The following CNTNAP5 variants were observed in gnomAD, a reference collection of about 807,000 sequenced individuals.
CNTNAP5 encodes the protein contactin associated protein family member 5, also known as contactin-associated protein-like 5.
A neutral mutation model predicts 150.2 loss-of-function variants in CNTNAP5; 72 were observed. That is an observed-to-expected ratio of 0.48 (90% CI 0.40 to 0.58). The LOEUF (loss-of-function observed/expected upper bound fraction) is 0.58. CNTNAP5 is among the 20% of genes least tolerant of loss of function. The pLI is 0.00. For synonymous variants in CNTNAP5, 672 were observed against 619.8 expected (o/e 1.08, Z -1.25); for missense variants, 1,636 against 1,626.2 (o/e 1.01, Z -0.10).
intron 19 of CNTNAP5, among the ~76,000 whole-genome samples, chr2:124,826,063 C>T (rs933462457): frequency 3.3e-5 from 5 of 151,718 alleles, no homozygotes; most frequent in African/African-American, 1.2e-4. Flanking sequence ...AACATAATTG[C>T]ATAATGAAAT....
intron 3 of CNTNAP5, among the ~76,000 whole-genome samples, chr2:124,340,298 A>G (rs948300239): frequency 3.9e-5 from 6 of 152,316 alleles, no homozygotes; most frequent in Non-Finnish European, 8.8e-5. Flanking sequence ...TCTTACTGTT[A>G]TAATTTTGTG....
chr2:124,113,263 T>C (rs1683341253), intron 1 of CNTNAP5, among the ~76,000 whole-genome samples: 2 of 152,114 alleles, frequency 1.3e-5, no homozygotes, highest in African/African-American at 2.4e-5. Context: ...TATTTCATAA[T>C]CTTACAATTA....
intron 19 of CNTNAP5, among the ~76,000 whole-genome samples, chr2:124,853,714 C>T (rs1398846829): frequency 6.6e-6 from 1 of 152,094 alleles, no homozygotes; most frequent in East Asian, 1.9e-4. Flanking sequence ...CACAGTTCAA[C>T]TCATGTCACA....
At chr2:124,827,390 G>C (rs1682618883) in intron 19 of CNTNAP5, among the ~76,000 whole-genome samples, 1 of 152,140 alleles carries the variant, frequency 6.6e-6, no homozygotes, top group Non-Finnish European at 1.5e-5. Flanking sequence ...CCTTGTACTG[G>C]TCCTCTCTGA....
intron 1 of CNTNAP5, among the ~76,000 whole-genome samples, chr2:124,133,060 A>T (rs1247745870): frequency 1.3e-5 from 2 of 152,224 alleles, no homozygotes; most frequent in Admixed American, 6.5e-5. Context: ...TGCCTGGTTT[A>T]CAAAGATGGC....
intron 1 of CNTNAP5, among the ~76,000 whole-genome samples, chr2:124,110,835 G>C (rs1683277596): frequency 6.6e-6 from 1 of 152,068 alleles, no homozygotes. Context: ...CCATTCAAAG[G>C]ACTTTCACAT....
At chr2:124,864,150 G>C (rs1164691465) in intron 19 of CNTNAP5, among the ~76,000 whole-genome samples, 1 of 152,094 alleles carries the variant, frequency 6.6e-6, no homozygotes, top group Non-Finnish European at 1.5e-5. Flanking sequence ...CTGAGATAAA[G>C]TAGCATCTCA....
intron 19 of CNTNAP5, among the ~76,000 whole-genome samples, chr2:124,859,782 C>T (rs1677470856): frequency 6.6e-6 from 1 of 152,002 alleles, no homozygotes; most frequent in African/African-American, 2.4e-5. Flanking sequence ...AGCTGGAAAC[C>T]ATCATTCTCA....
intron 10 of CNTNAP5, among the ~76,000 whole-genome samples, chr2:124,557,679 A>T (rs746615507): frequency 1.3e-5 from 2 of 152,152 alleles, no homozygotes; most frequent in Non-Finnish European, 2.9e-5. Context: ...AGAAGATAAT[A>T]CACACTAAAG....
intron 11 of CNTNAP5, among the ~76,000 whole-genome samples, chr2:124,577,248 C>T (rs1481620098): frequency 6.6e-6 from 1 of 152,160 alleles, no homozygotes; most frequent in Non-Finnish European, 1.5e-5. Flanking sequence ...CCTGAAATCA[C>T]TGGATTCAGA....
At chr2:124,428,730 C>T (rs1291285305) in intron 4 of CNTNAP5, among the ~76,000 whole-genome samples, 2 of 151,432 alleles carry the variant, frequency 1.3e-5, no homozygotes, top group African/African-American at 4.9e-5. Context: ...AAATATGGAC[C>T]TTTCAGGGCT....
chr2:124,200,746 T>C (rs924598275), intron 1 of CNTNAP5, among the ~76,000 whole-genome samples: 5 of 152,212 alleles, frequency 3.3e-5, no homozygotes, highest in African/African-American at 1.2e-4. Context: ...CACGTATTTC[T>C]TACTCCCTAC....
chr2:124,893,637 G>C (rs1433899131), intron 21 of CNTNAP5, among the ~76,000 whole-genome samples: 1 of 152,096 alleles, frequency 6.6e-6, no homozygotes, highest in African/African-American at 2.4e-5. Context: ...TGTAGTATGA[G>C]ATAACCTGCT....
At chr2:124,713,853 A>G (rs1679890457) in intron 13 of CNTNAP5, among the ~76,000 whole-genome samples, 1 of 152,130 alleles carries the variant, frequency 6.6e-6, no homozygotes, top group Admixed American at 6.6e-5. Flanking sequence ...AAGGAGCATG[A>G]GGCTCATCAA....
At chr2:124,188,716 C>CA (rs70996047) in intron 1 of CNTNAP5, among the ~76,000 whole-genome samples, 23,440 of 72,822 alleles carry the variant, frequency 0.32, 4,065 homozygotes, top group East Asian at 0.4. Flanking sequence ...GACTCTGTCT[C>CA]AAAAAAAAAA....
At chr2:124,537,407 A>G (rs959878592) in intron 10 of CNTNAP5, among the ~76,000 whole-genome samples, 17 of 152,200 alleles carry the variant, frequency 1.1e-4, no homozygotes, top group African/African-American at 3.9e-4. Context: ...CTCACGGGTT[A>G]TCATCCCTAT....
chr2:124,061,550 C>T (rs1682011326), intron 1 of CNTNAP5, among the ~76,000 whole-genome samples: 2 of 152,020 alleles, frequency 1.3e-5, no homozygotes, highest in South Asian at 4.1e-4. Flanking sequence ...ATGGGGAGGA[C>T]ATTCTAGTAG....
At chr2:124,881,022 G>A (rs1421944462) in intron 21 of CNTNAP5, among the ~76,000 whole-genome samples, 1 of 152,102 alleles carries the variant, frequency 6.6e-6, no homozygotes, top group Non-Finnish European at 1.5e-5. Flanking sequence ...GGCCATCTGA[G>A]AGGGTTTCAT....
intron 19 of CNTNAP5, among the ~76,000 whole-genome samples, chr2:124,856,764 C>T (rs1232638773): frequency 6.6e-6 from 1 of 152,140 alleles, no homozygotes; most frequent in East Asian, 1.9e-4. Flanking sequence ...TCCAACATAT[C>T]CTACTTCAGG....
Sources: gnomAD v4.1 joint callset for allele counts (sites outside exome capture counted in the v4.1 genomes callset) on GRCh38, gnomAD v4.1.1 for gene constraint, MANE v1.5 for transcripts, NCBI Gene and HGNC (gene_info 2026-07-23, HGNC 2026-07-21) for gene names.